The following ADCY1 variants were observed in gnomAD, a reference collection of about 807,000 sequenced individuals.
ADCY1 encodes adenylate cyclase type 1.
ADCY1 carries 28 observed loss-of-function variants against 105.4 expected under a neutral mutation model. The observed-to-expected ratio is 0.27, with a 90% CI of 0.20 to 0.36. The LOEUF is 0.36. Ranked by LOEUF, ADCY1 falls within the 10% of genes least tolerant of loss-of-function variation. ADCY1 has a pLI of 1.00. For synonymous variants in ADCY1, 655 were observed against 623.8 expected (o/e 1.05, Z -0.75); for missense variants, 977 against 1,434.2 (o/e 0.68, Z 5.15).
intron 10 of ADCY1, among the ~76,000 whole-genome samples, chr7:45,679,159 C>T (rs1410577146): frequency 3.3e-5 from 5 of 152,120 alleles, no homozygotes; most frequent in Non-Finnish European, 5.9e-5. Context: ...AACCTACCTA[C>T]GGGAATACTA....
intron 2 of ADCY1, among the ~76,000 whole-genome samples, chr7:45,605,143 G>A (rs948086462): frequency 2.0e-5 from 3 of 152,108 alleles, no homozygotes; most frequent in African/African-American, 7.2e-5. Context: ...ATATAGAAAT[G>A]TAATTGACTT....
chr7:45,643,828 A>C (rs1216897500), intron 4 of ADCY1, among the ~76,000 whole-genome samples: 1 of 152,074 alleles, frequency 6.6e-6, no homozygotes, highest in East Asian at 1.9e-4. Context: ...CTGGTAGTGC[A>C]TGCACTGTGA....
intron 1 of ADCY1, among the ~76,000 whole-genome samples, chr7:45,582,171 T>TA (rs1792570221): frequency 6.6e-6 from 1 of 152,176 alleles, no homozygotes; most frequent in Non-Finnish European, 1.5e-5. Flanking sequence ...AATGCACACT[T>TA]ACATGTTCAT....
At chr7:45,608,999 T>G (rs1793455747) in intron 2 of ADCY1, among the ~76,000 whole-genome samples, 1 of 152,230 alleles carries the variant, frequency 6.6e-6, no homozygotes, top group South Asian at 2.1e-4. Context: ...CTTCCTTCTC[T>G]GAAGTTTATG....
intron 1 of ADCY1, among the ~76,000 whole-genome samples, chr7:45,588,868 T>G (rs933065673): frequency 2.2e-5 from 3 of 136,454 alleles, no homozygotes; most frequent in African/African-American, 7.8e-5. Context: ...TCATTGCGTG[T>G]ATGTGTGTGT....
chr7:45,689,779 G>A (rs989013528), intron 14 of ADCY1, among the ~76,000 whole-genome samples: 1 of 152,236 alleles, frequency 6.6e-6, no homozygotes, highest in African/African-American at 2.4e-5. Flanking sequence ...GGCCACAGTG[G>A]GTTTGAGAGG....
At chr7:45,702,254 C>A (rs1785013174) in intron 14 of ADCY1, among the ~76,000 whole-genome samples, 1 of 152,196 alleles carries the variant, frequency 6.6e-6, no homozygotes, top group Admixed American at 6.5e-5. Context: ...GCATGCTGTC[C>A]CCTCAGCCCT....
At chr7:45,583,937 G>GTTTTTTTTTTT (rs869216986) in intron 1 of ADCY1, among the ~76,000 whole-genome samples, 4 of 56,898 alleles carry the variant, frequency 7.0e-5, no homozygotes, top group Non-Finnish European at 1.0e-4. Context: ...ACTGTGCCCT[G>GTTTTTTTTTTT]TTTTTTTTTT....
chr7:45,642,918 G>C (rs898087457), intron 4 of ADCY1, among the ~76,000 whole-genome samples: 5 of 152,022 alleles, frequency 3.3e-5, no homozygotes, highest in Non-Finnish European at 5.9e-5. Flanking sequence ...CAGCTATTTG[G>C]TTATTCTCAA....
intron 14 of ADCY1, among the ~76,000 whole-genome samples, chr7:45,702,326 T>TC (rs1785014275): frequency 6.6e-6 from 1 of 152,162 alleles, no homozygotes; most frequent in African/African-American, 2.4e-5. Flanking sequence ...CATTTTACAA[T>TC]AAGGAAACCA....
intron 1 of ADCY1, among the ~76,000 whole-genome samples, chr7:45,589,688 G>A (rs1043549088): frequency 5.9e-5 from 9 of 152,156 alleles, no homozygotes; most frequent in East Asian, 1.9e-4. Context: ...CGGCGGGTGA[G>A]CCCTGTGCTC....
chr7:45,634,376 A>G (rs1011835579), intron 4 of ADCY1, among the ~76,000 whole-genome samples: 36 of 148,892 alleles, frequency 2.4e-4, no homozygotes, highest in African/African-American at 7.2e-4. Flanking sequence ...TTTTTTGTGG[A>G]TACTTTTTAT....
intron 8 of ADCY1, among the ~76,000 whole-genome samples, chr7:45,669,604 C>T (rs1784326833): frequency 6.6e-6 from 1 of 152,116 alleles, no homozygotes; most frequent in Non-Finnish European, 1.5e-5. Flanking sequence ...AATGTATATT[C>T]TGTTGATTTG....
rs555421363 is a variant in ADCY1, at chr7:45,666,413, G to A, written c.1605+4199G>A. ...TGGTTTTTTGTCCTTGCGATAGTTT[G>A]CTCAGAATGATGGTTTCCAGCTTCA... On this transcript the variant is annotated intron_variant, in intron 8 of 19. Transcript: ENST00000297323. 4.6e-5 allele frequency among the ~76,000 whole-genome samples: 7 copies of A among 152,266 alleles called. No homozygotes were observed. In the East Asian group the frequency reaches 1.4e-3, roughly 29 times the overall value.
intron 5 of ADCY1, among the ~76,000 whole-genome samples, chr7:45,650,799 G>A (rs1794787202): frequency 6.6e-6 from 1 of 152,138 alleles, no homozygotes; most frequent in East Asian, 1.9e-4. Context: ...GTTATAAGCT[G>A]TTTCTGCAGA....
chr7:45,649,908 G>A (rs1402711702), intron 5 of ADCY1, among the ~76,000 whole-genome samples: 1 of 152,156 alleles, frequency 6.6e-6, no homozygotes, highest in East Asian at 1.9e-4. Flanking sequence ...ACTGAGAGTG[G>A]AAAAGCCCCC....
chr7:45,683,965 G>A (rs780060084), intron 11 of ADCY1, among the ~76,000 whole-genome samples: 3 of 152,244 alleles, frequency 2.0e-5, no homozygotes, highest in Non-Finnish European at 4.4e-5. Flanking sequence ...AGGTGGAAGC[G>A]GGGGAAGCAG....
chr7:45,633,198 G>GT (rs1315408480), intron 4 of ADCY1, among the ~76,000 whole-genome samples: 3 of 152,190 alleles, frequency 2.0e-5, no homozygotes, highest in Non-Finnish European at 4.4e-5. Context: ...TATTACAGGC[G>GT]TAAGTCACAG....
intron 8 of ADCY1, chr7:45,664,171 A>T (rs1042899237): frequency 1.1e-6 from 1 of 920,160 alleles, no homozygotes; most frequent in African/African-American, 1.6e-5. Context: ...TTCCTGCTAA[A>T]ACTGGATTTT....
Sources: gnomAD v4.1 joint callset for allele counts (sites outside exome capture counted in the v4.1 genomes callset) on GRCh38, gnomAD v4.1.1 for gene constraint, MANE v1.5 for transcripts, NCBI Gene and HGNC (gene_info 2026-07-23, HGNC 2026-07-21) for gene names.